EPG5: variants seen among roughly 807,000 people sequenced by gnomAD.
EPG5 encodes the protein ectopic P granules protein 5 homolog.
A neutral mutation model predicts 302.7 loss-of-function variants in EPG5; 159 were observed. The observed-to-expected ratio is 0.53, with a 90% CI of 0.46 to 0.60. EPG5 has a LOEUF of 0.60. Among genes scored for constraint, EPG5 ranks in the 20% least tolerant of loss-of-function variants. The probability of loss-of-function intolerance (pLI) is 0.00; values close to 1 mark genes in which losing one functional copy is unlikely to be tolerated. For synonymous variants in EPG5, 1,158 were observed against 1,136.8 expected (o/e 1.02, Z -0.37); for missense variants, 2,896 against 3,092.4 (o/e 0.94, Z 1.51).
the EPG5 span, among the ~76,000 whole-genome samples, chr18:45,836,783 A>C: frequency 0.023 from 3,433 of 152,312 alleles, 125 homozygotes; most frequent in African/African-American, 0.078. Flanking sequence ...GCACCAACTC[A>C]ACGCATTAGC....
the EPG5 span, chr18:45,842,462 T>A: frequency 3.0e-6 from 1 of 333,222 alleles, no homozygotes; most frequent in African/African-American, 2.3e-5. Context: ...AGAGAGAGAG[T>A]ACACGCATTA....
chr18:45,911,264 C>T (rs1358595409), intron 22 of EPG5, among the ~76,000 whole-genome samples: 1 of 151,230 alleles, frequency 6.6e-6, no homozygotes, highest in Non-Finnish European at 1.5e-5. Context: ...GCTGGGATTA[C>T]AAGCATGCGC....
chr18:45,866,060 A>G (rs1448274230), intron 38 of EPG5, among the ~76,000 whole-genome samples: 1 of 152,176 alleles, frequency 6.6e-6, no homozygotes, highest in African/African-American at 2.4e-5. Flanking sequence ...CTTTTCCAAA[A>G]ACTTTTATGT....
At chr18:45,933,496 A>G (rs895367317) in intron 11 of EPG5, among the ~76,000 whole-genome samples, 1 of 151,816 alleles carries the variant, frequency 6.6e-6, no homozygotes, top group Admixed American at 6.6e-5. Flanking sequence ...CTGGCCAACA[A>G]TGTGAAACCC....
At chr18:45,853,707 C>G (rs1158153031) in intron 43 of EPG5, among the ~76,000 whole-genome samples, 1 of 152,086 alleles carries the variant, frequency 6.6e-6, no homozygotes, top group Non-Finnish European at 1.5e-5. Flanking sequence ...AATTAACTAC[C>G]AGGAGGGCTG....
At chr18:45,868,599 C>T (rs894248778) in intron 36 of EPG5, among the ~76,000 whole-genome samples, 25 of 151,204 alleles carry the variant, frequency 1.7e-4, no homozygotes, top group African/African-American at 6.1e-4. Context: ...GAACCCCCAG[C>T]CTCAGGTGAT....
At chr18:45,954,351 T>C (rs2050976072) in intron 2 of EPG5, 43 bp downstream of exon 2, 2 of 1,528,506 alleles carry the variant, frequency 1.3e-6, no homozygotes, top group Admixed American at 2.0e-5. Context: ...ATCCCAGGAA[T>C]AGCAGCTCCG....
In EPG5 at chr18:45,939,608, C is replaced by T; in HGVS notation, c.2091G>A (p.Lys697=). The T allele has an allele frequency of 6.2e-7, 1 of 1,613,984 alleles. No homozygotes were observed. Among genetic ancestry groups the T allele is most frequent in the Non-Finnish European group, 8.5e-7 (1 of 1,179,970 alleles). The part of the protein sequence containing the change: ...LFLRAVLHVL[K]AKRLGIWLFM... Reference sequence around the variant, plus strand: ...TCATATGTCTTACTTACCTTTTGGCCTTCAGCACATGTAGGACAGCCCTCA... The same window carrying T: ...TCATATGTCTTACTTACCTTTTGGCTTTCAGCACATGTAGGACAGCCCTCA... The change falls in exon 10 of 44, where the codon AAG becomes AAA. Residue 697 remains lysine (K), a synonymous_variant. Coordinates refer to ENST00000282041, the MANE Select transcript of EPG5 (RefSeq NM_020964.3).
chr18:45,867,454 G>C, intron 37 of EPG5, 109 bp downstream of exon 37: 2 of 862,366 alleles, frequency 2.3e-6, no homozygotes, highest in African/African-American at 3.4e-5. Context: ...CCAAGCATCT[G>C]TTCACACTGA....
chr18:45,832,603 A>T, the EPG5 span, among the ~76,000 whole-genome samples: 1 of 152,166 alleles, frequency 6.6e-6, no homozygotes, highest in African/African-American at 2.4e-5. Flanking sequence ...ATGGCCCACC[A>T]TTGAGGGAGG....
At chr18:45,907,855 C>A (rs1389856958) in intron 24 of EPG5, 103 bp downstream of exon 24, 3 of 1,118,054 alleles carry the variant, frequency 2.7e-6, no homozygotes, top group East Asian at 2.6e-5. Flanking sequence ...GAGTGACTAC[C>A]CATTTTCTTA....
chr18:45,868,049 T>A (rs1485784602), intron 36 of EPG5: 1 of 488,312 alleles, frequency 2.0e-6, no homozygotes, highest in Admixed American at 2.3e-5. Context: ...CCACAGTAAG[T>A]CACTGGAGCT....
At chr18:45,889,132 T>C (rs571635879) in intron 28 of EPG5, among the ~76,000 whole-genome samples, 1 of 152,188 alleles carries the variant, frequency 6.6e-6, no homozygotes, top group Admixed American at 6.5e-5. Context: ...CCATACACCA[T>C]CCTACTCTAC....
At chr18:45,860,844 A>G (rs1599431512) in intron 39 of EPG5, among the ~76,000 whole-genome samples, 1 of 152,214 alleles carries the variant, frequency 6.6e-6, no homozygotes, top group Non-Finnish European at 1.5e-5. Flanking sequence ...AAACCTTTGT[A>G]AAGTGTCCTA....
At chr18:45,924,237 T>G (rs1168907634) in intron 14 of EPG5, among the ~76,000 whole-genome samples, 1 of 152,182 alleles carries the variant, frequency 6.6e-6, no homozygotes, top group Non-Finnish European at 1.5e-5. Flanking sequence ...ATGACTTTCC[T>G]AACTCTTAAC....
rs778449253 is a variant in EPG5, at chr18:45,855,553, C to G, written c.7557+20G>C. On this transcript the variant is annotated intron_variant, in intron 43 of 43. Coordinates refer to ENST00000282041, the MANE Select transcript of EPG5 (RefSeq NM_020964.3). ...GAAGATGTGCAGGCAAACTTCTAAC[C>G]CTTCATTGTATATACTGACCTGCTG... The G allele has an allele frequency of 4.4e-6, 7 of 1,590,736 alleles. No homozygotes were observed. The East Asian group carries it at 9.0e-5, about 20-fold the overall frequency.
intron 27 of EPG5, among the ~76,000 whole-genome samples, chr18:45,897,981 T>C (rs1429845697): frequency 6.6e-6 from 1 of 152,158 alleles, no homozygotes; most frequent in East Asian, 1.9e-4. Flanking sequence ...ATTTAGACAA[T>C]AGGCAGTGCT....
intron 36 of EPG5, 44 bp from the exon 37 acceptor site, chr18:45,867,792 C>A (rs752806412): frequency 1.3e-5 from 19 of 1,495,350 alleles, no homozygotes; most frequent in Admixed American, 2.0e-5. Context: ...CTTGTGCTAT[C>A]TATGTATCTG....
At position 45,945,735 on chromosome 18, in the gene EPG5, G is replaced by A. The variant is rs1439795231; in HGVS notation, c.1677+928C>T. On this transcript the variant is annotated intron_variant, in intron 7 of 43. Coordinates refer to ENST00000282041, the MANE Select transcript of EPG5 (RefSeq NM_020964.3). ...ACCAATCTGTACTGGCTCCTAAGAA[G>A]CTTGCTTCAGAATGACTCCTCAGTT... is the stretch of plus-strand genomic sequence containing the variant. 2.6e-5 allele frequency among the ~76,000 whole-genome samples: 4 copies of A among 152,202 alleles called. No individual in the cohort carries two copies. In the East Asian group the frequency reaches 7.7e-4, roughly 29 times the overall value.
Sources: gnomAD v4.1 joint callset for allele counts (sites outside exome capture counted in the v4.1 genomes callset) on GRCh38, gnomAD v4.1.1 for gene constraint, MANE v1.5 for transcripts, NCBI Gene and HGNC (gene_info 2026-07-23, HGNC 2026-07-21) for gene names.